Variants in AGPAT3 observed in about 807,000 individuals in gnomAD.
AGPAT3 encodes the protein 1-acylglycerol-3-phosphate O-acyltransferase 3.
In AGPAT3, 5 loss-of-function variants were observed where a neutral mutation model predicts 47.3. The ratio of observed to expected loss-of-function variants is 0.11; its 90% CI spans 0.06 to 0.22. The LOEUF is 0.22. Among genes scored for constraint, AGPAT3 ranks in the 10% least tolerant of loss-of-function variants. The pLI, the probability that AGPAT3 is intolerant of heterozygous loss-of-function variation, is 1.00. For missense variants in AGPAT3, 315 were observed against 493.0 expected, an observed-to-expected ratio of 0.64 and a Z score of 3.42; for synonymous variants, 212 against 208.3, an observed-to-expected ratio of 1.02 and a Z score of -0.15.
At chr21:43,978,185 G>A in intron 8 of AGPAT3, 64 bp downstream of exon 8, 1 of 1,477,730 alleles carries the variant, frequency 6.8e-7, no homozygotes, top group Admixed American at 1.7e-5. Flanking sequence ...AGGGGTGCTG[G>A]CGAGCAGGCA....
chr21:43,877,360 G>T (rs544112693), intron 1 of AGPAT3, among the ~76,000 whole-genome samples: 1 of 152,336 alleles, frequency 6.6e-6, no homozygotes, highest in African/African-American at 2.4e-5. Context: ...CATGGCATAT[G>T]CCAGTAATAG....
intron 2 of AGPAT3, among the ~76,000 whole-genome samples, chr21:43,942,797 T>A (rs1353606481): frequency 6.6e-6 from 1 of 152,164 alleles, no homozygotes; most frequent in Non-Finnish European, 1.5e-5. Flanking sequence ...CTTCGGTGGC[T>A]CACTTGGCGG....
intron 2 of AGPAT3, among the ~76,000 whole-genome samples, chr21:43,936,460 G>A (rs767282345): frequency 6.6e-6 from 1 of 152,250 alleles, no homozygotes; most frequent in Non-Finnish European, 1.5e-5. Flanking sequence ...GCCTCCCTCC[G>A]GAAGAATGGC....
At chr21:43,949,261 T>C (rs2088063097) in intron 2 of AGPAT3, among the ~76,000 whole-genome samples, 1 of 152,178 alleles carries the variant, frequency 6.6e-6, no homozygotes, top group Non-Finnish European at 1.5e-5. Flanking sequence ...ACAACCATCA[T>C]GTCGGGGGGC....
intron 1 of AGPAT3, among the ~76,000 whole-genome samples, chr21:43,883,262 T>C (rs955002866): frequency 2.0e-5 from 3 of 152,148 alleles, no homozygotes; most frequent in Non-Finnish European, 4.4e-5. Flanking sequence ...TGGACCTCCG[T>C]GATCAGCCAG....
At chr21:43,893,941 C>T (rs760962270) in intron 1 of AGPAT3, among the ~76,000 whole-genome samples, 8 of 152,160 alleles carry the variant, frequency 5.3e-5, no homozygotes, top group African/African-American at 7.2e-5. Context: ...GTGACACAGA[C>T]GCCAGAAGTG....
Position 43,985,953 on chromosome 21 carries a change from C to T in AGPAT3, c.*3561C>T. 1 of 152,562 alleles carries T rather than the reference C, an allele frequency of 6.6e-6. No individual in the cohort carries two copies. Among genetic ancestry groups the T allele is most frequent in the Non-Finnish European group, 1.5e-5 (1 of 68,238 alleles). The allele number at this position is 152,562 out of a possible 1,614,324, so 9.5% of individuals were successfully genotyped here. A position where few individuals can be genotyped will look rare whatever the true frequency, so the allele number is the denominator to read the frequency against. On this transcript the variant is annotated 3_prime_UTR_variant, in exon 10 of 10. Coordinates refer to ENST00000291572, the MANE Select transcript of AGPAT3 (RefSeq NM_020132.5). Reference sequence around the variant, plus strand: ...CAGCACGTCCCCGGCCGTGTGCCTGCCCCTTTCTCTACTGAGCTAGTCCCC... The same window carrying T: ...CAGCACGTCCCCGGCCGTGTGCCTGTCCCTTTCTCTACTGAGCTAGTCCCC...
chr21:43,929,341 C>G (rs1020514391), intron 2 of AGPAT3, among the ~76,000 whole-genome samples: 1 of 152,192 alleles, frequency 6.6e-6, no homozygotes, highest in Non-Finnish European at 1.5e-5. Context: ...CGCCCTGTCC[C>G]CATGTGGATT....
intron 2 of AGPAT3, among the ~76,000 whole-genome samples, chr21:43,917,320 C>T (rs538299363): frequency 5.3e-5 from 8 of 152,346 alleles, no homozygotes; most frequent in Non-Finnish European, 1.0e-4. Flanking sequence ...GTGGCACAAC[C>T]CTCCCTCCGG....
intron 2 of AGPAT3, among the ~76,000 whole-genome samples, chr21:43,938,893 A>T (rs1042453866): frequency 1.3e-5 from 2 of 151,772 alleles, no homozygotes; most frequent in Non-Finnish European, 2.9e-5. Context: ...TTGTGGGGGG[A>T]AGGAGGGGCT....
In AGPAT3 at chr21:43,970,266, A is replaced by G. The variant is rs1164984499; in HGVS notation, c.511-387A>G. Among the ~76,000 whole-genome samples, 1 of 152,110 alleles carries G rather than the reference A, an allele frequency of 6.6e-6. No individual in the cohort carries two copies. The highest frequency in any genetic ancestry group is 1.5e-5 in the Non-Finnish European group (1 of 68,026). Reference sequence around the variant, plus strand: ...CATGATCCACCCGCCTCGGCCTCCTAAAGTGCTGGGATTACAGGGGTGAGC... The same window carrying G: ...CATGATCCACCCGCCTCGGCCTCCTGAAGTGCTGGGATTACAGGGGTGAGC... On this transcript the variant is annotated intron_variant, in intron 5 of 9. Transcript: ENST00000291572. The surrounding 1 kb of genome is among the most constrained non-coding windows in gnomAD (Gnocchi z 5.8).
chr21:43,878,093 G>A (rs1047570868), intron 1 of AGPAT3, among the ~76,000 whole-genome samples: 5 of 151,820 alleles, frequency 3.3e-5, no homozygotes, highest in Admixed American at 6.6e-5. Context: ...CGCTTTCCCC[G>A]CCACTGCTTG....
At chr21:43,959,318 T>C (rs560757343) in intron 2 of AGPAT3, among the ~76,000 whole-genome samples, 1 of 132,754 alleles carries the variant, frequency 7.5e-6, no homozygotes, top group African/African-American at 2.9e-5. Context: ...GTGTGGCGTG[T>C]GTGTGGTTGT....
chr21:43,942,721 G>A (rs1038845145), intron 2 of AGPAT3, among the ~76,000 whole-genome samples: 10 of 152,120 alleles, frequency 6.6e-5, no homozygotes, highest in Admixed American at 6.5e-4. Flanking sequence ...GCCTGCCCGC[G>A]GTCACCCTAG....
In AGPAT3 at chr21:43,971,486, G is replaced by A; in HGVS notation, c.763G>A (p.Val255Met). The change falls in exon 7 of 10, where the codon GTG becomes ATG. Residue 255 changes from valine to methionine, a missense_variant. Coordinates refer to ENST00000291572, the MANE Select transcript of AGPAT3 (RefSeq NM_020132.5). ...YGKKYEADMC[V>M]RRFPLEDIPL... is the part of the protein sequence containing the mutation. ...GAAGAAGTACGAGGCGGACATGTGC[G>A]TGAGGTGAGGCCAGACCCTGTGGCT... The A allele has an allele frequency of 1.9e-6, 3 of 1,614,138 alleles. No homozygotes were observed. Among genetic ancestry groups the A allele is most frequent in the Non-Finnish European group, 2.5e-6 (3 of 1,179,984 alleles).
Position 43,933,198 on chromosome 21 carries a change from G to A in AGPAT3, c.-48-26436G>A, listed in dbSNP as rs756519361. Among the ~76,000 whole-genome samples the A allele has an allele frequency of 2.0e-5, 3 of 152,110 alleles. No homozygotes were observed. The highest frequency in any genetic ancestry group is 4.4e-5 in the Non-Finnish European group (3 of 68,024). On this transcript the variant is annotated intron_variant, in intron 2 of 9. Transcript: ENST00000291572. The surrounding 1 kb of genome is among the most constrained non-coding windows in gnomAD (Gnocchi z 6.0). ...GCTCTTCGTTAACCTGCTGGCTGTCGGTGTGGCTCCTTCTGAGGCACAGCC... is the reference window on the plus strand; with the variant it reads ...GCTCTTCGTTAACCTGCTGGCTGTCAGTGTGGCTCCTTCTGAGGCACAGCC...
At chr21:43,980,963 T>G in intron 8 of AGPAT3, 26 bp from the exon 9 acceptor site, 1 of 1,599,778 alleles carries the variant, frequency 6.3e-7, no homozygotes, top group Non-Finnish European at 8.6e-7. Context: ...GCCTCACGCT[T>G]CCTTTTTCTC....
At chr21:43,890,709 A>C (rs534705407) in intron 1 of AGPAT3, among the ~76,000 whole-genome samples, 1 of 93,464 alleles carries the variant, frequency 1.1e-5, no homozygotes, top group African/African-American at 3.4e-5. Flanking sequence ...CACTGTGCCC[A>C]GCCAGGTTTT....
intron 2 of AGPAT3, among the ~76,000 whole-genome samples, chr21:43,951,966 T>C (rs940195630): frequency 6.6e-6 from 1 of 151,976 alleles, no homozygotes. Context: ...ATCCTCTGCC[T>C]GGCCGGTTTT....
Sources: gnomAD v4.1 joint callset for allele counts (sites outside exome capture counted in the v4.1 genomes callset) on GRCh38, gnomAD v4.1.1 for gene constraint, Gnocchi (gnomAD v3.1) non-coding constraint, MANE v1.5 for transcripts, NCBI Gene and HGNC (gene_info 2026-07-23, HGNC 2026-07-21) for gene names.